Variants in EML1 observed in about 807,000 individuals in gnomAD.
EML1 encodes EMAP like 1, also known as echinoderm microtubule-associated protein-like 1.
In EML1, 27 loss-of-function variants were observed where a neutral mutation model predicts 110.4. The observed-to-expected ratio is 0.24, with a 90% CI of 0.18 to 0.34. The LOEUF is 0.34. EML1 is among the 10% of genes least tolerant of loss of function. EML1 has a pLI of 1.00. For synonymous variants in EML1, 344 were observed against 385.8 expected (o/e 0.89, Z 1.27); for missense variants, 741 against 1,030.9 (o/e 0.72, Z 3.85).
chr14:99,740,284 A>C (rs1383931014), intron 1 of EML1, among the ~76,000 whole-genome samples: 1 of 152,208 alleles, frequency 6.6e-6, no homozygotes, highest in Admixed American at 6.5e-5. Context: ...ATTCGAACCC[A>C]GTTCCTCAGA....
chr14:99,851,078 C>A, intron 2 of EML1, 43 bp downstream of exon 2: 2 of 1,577,440 alleles, frequency 1.3e-6, no homozygotes, highest in Non-Finnish European at 1.7e-6. Context: ...GAATTGGTCT[C>A]GTGGCAGAAT....
intron 1 of EML1, among the ~76,000 whole-genome samples, chr14:99,767,804 C>G (rs73352552): frequency 0.013 from 1,985 of 152,226 alleles, 46 homozygotes; most frequent in African/African-American, 0.046. Context: ...TTCCTCAAGG[C>G]CTCCCCCAAG....
At chr14:99,875,661 C>T (rs563430423) in intron 3 of EML1, among the ~76,000 whole-genome samples, 86 of 152,206 alleles carry the variant, frequency 5.7e-4, no homozygotes, top group Middle Eastern at 6.8e-3. Context: ...CCCAGGGCCC[C>T]GGCAGCTGGT....
intron 1 of EML1, among the ~76,000 whole-genome samples, chr14:99,813,529 G>T (rs749643382): frequency 2.6e-5 from 4 of 152,026 alleles, no homozygotes; most frequent in Non-Finnish European, 5.9e-5. Flanking sequence ...AGCCTAGGTC[G>T]CATAGTGAGA....
At chr14:99,754,109 G>C (rs1380920499) in intron 1 of EML1, among the ~76,000 whole-genome samples, 2 of 152,262 alleles carry the variant, frequency 1.3e-5, no homozygotes, top group Non-Finnish European at 2.9e-5. Context: ...AATGGGGGAA[G>C]CTGCAGTTGC....
upstream of EML1, among the ~76,000 whole-genome samples, chr14:99,770,377 T>TTCTATCTATCTATCTATCTA (rs143789356): frequency 0.052 from 7,756 of 150,244 alleles, 223 homozygotes; most frequent in East Asian, 0.066. Flanking sequence ...AAAAATTTCT[T>TTCTATCTATCTATCTATCTA]TCTATCTATC....
Position 99,894,583 on chromosome 14 carries a change from C to A in EML1, c.548-46C>A, listed in dbSNP as rs766410926. On this transcript the variant is annotated intron_variant, in intron 5 of 21. Transcript: ENST00000262233. Reference sequence around the variant, plus strand: ...AGGATAAAGCATTTGTTTTCAGGTACGCTGGGCACTGAGGTATCTTACTGA... The same window carrying A: ...AGGATAAAGCATTTGTTTTCAGGTAAGCTGGGCACTGAGGTATCTTACTGA... 7 of 1,574,884 alleles carry A rather than the reference C, an allele frequency of 4.4e-6. No homozygotes were observed. In the Admixed American group the frequency reaches 1.1e-4, roughly 25 times the overall value.
intron 1 of EML1, among the ~76,000 whole-genome samples, chr14:99,738,531 G>C (rs1350532439): frequency 6.6e-6 from 1 of 152,236 alleles, no homozygotes; most frequent in African/African-American, 2.4e-5. Context: ...AATGGGGGCT[G>C]GGGACGGCCA....
At chr14:99,841,412 C>T (rs541835828) in intron 1 of EML1, among the ~76,000 whole-genome samples, 2 of 152,088 alleles carry the variant, frequency 1.3e-5, no homozygotes, top group African/African-American at 2.4e-5. Context: ...GTTTCATACA[C>T]GCTAACATTC....
chr14:99,906,184 G>A (rs2059843302), intron 9 of EML1, among the ~76,000 whole-genome samples: 1 of 152,124 alleles, frequency 6.6e-6, no homozygotes, highest in Non-Finnish European at 1.5e-5. Flanking sequence ...TCGCTTCATG[G>A]TCACCAGAAA....
chr14:99,874,418 C>A (rs968340795), intron 3 of EML1, among the ~76,000 whole-genome samples: 1 of 152,214 alleles, frequency 6.6e-6, no homozygotes, highest in African/African-American at 2.4e-5. Context: ...CAGTCTCTCA[C>A]AAGCCAGTAC....
At chr14:99,881,078 A>C (rs2059377502) in intron 4 of EML1, among the ~76,000 whole-genome samples, 1 of 152,234 alleles carries the variant, frequency 6.6e-6, no homozygotes, top group Non-Finnish European at 1.5e-5. Flanking sequence ...TGAAGCTCAC[A>C]GTTCTTAAAT....
Position 99,936,473 on chromosome 14 carries a change from G to A in EML1, c.2095+139G>A. 1.3e-6 allele frequency: 1 copy of A among 767,574 alleles called. No homozygotes were observed. Among genetic ancestry groups the A allele is most frequent in the Non-Finnish European group, 2.1e-6 (1 of 469,278 alleles). 47.5% of individuals were successfully genotyped at this position (767,574 alleles called of 1,614,324 possible). A position where few individuals can be genotyped will look rare whatever the true frequency, so the allele number is the denominator to read the frequency against. ...TCTCTAGGTCATGGTTTCCGCCTCTGTAACGTAGGGGAGTGGGGCTGCGTG... is the reference window on the plus strand; with the variant it reads ...TCTCTAGGTCATGGTTTCCGCCTCTATAACGTAGGGGAGTGGGGCTGCGTG... On this transcript the variant is annotated intron_variant, in intron 19 of 21. Transcript: ENST00000262233. The surrounding 1 kb of genome is among the most constrained non-coding windows in gnomAD (Gnocchi z 5.5).
At chr14:99,840,958 G>C (rs1195679210) in intron 1 of EML1, among the ~76,000 whole-genome samples, 1 of 152,220 alleles carries the variant, frequency 6.6e-6, no homozygotes, top group African/African-American at 2.4e-5. Flanking sequence ...AGAGCTACAA[G>C]GTCTTCTTTT....
At chr14:99,840,170 GTTA>G (rs928717915) in intron 1 of EML1, among the ~76,000 whole-genome samples, 17 of 152,196 alleles carry the variant, frequency 1.1e-4, no homozygotes, top group African/African-American at 4.1e-4. Flanking sequence ...TGAGCAAAGG[GTTA>G]TTATTTGTTA....
chr14:99,850,935 C>T lies in EML1; in HGVS notation c.150C>T (p.Asp50=), dbSNP rs34803725. ...AGCAGAGAGTCCAGATGCAAGAAGA[C>T]GACATCCAGCTGCTCAAATCAGCTC... The part of the protein sequence containing the change: ...SLEQRVQMQE[D]DIQLLKSALA... Residue 50 remains aspartate, a synonymous_variant, in exon 2 of 22, where the codon GAC becomes GAT. Coordinates refer to ENST00000262233, the MANE Select transcript of EML1 (RefSeq NM_004434.3). 0.021 allele frequency: 33,143 copies of T among 1,614,112 alleles called. 440 individuals carry two copies. The highest frequency in any genetic ancestry group is 0.024 in the Non-Finnish European group (27,883 of 1,180,008).
At chr14:99,809,643 G>A (rs746566084) in intron 1 of EML1, 8 of 455,970 alleles carry the variant, frequency 1.8e-5, no homozygotes, top group South Asian at 4.6e-5. Flanking sequence ...TCTTATCTGC[G>A]ATTTCAACAT....
rs1215920699 is a variant in EML1 at position 99,781,244 on chromosome 14, C to G, written c.-27+7231C>G. The stretch of plus-strand genomic sequence containing the variant: ...GGCTCTTCCCCTCCTGACACCGCCC[C>G]CTCAGGTGGGTTTCCCGGTGCCTTT... On this transcript the variant is annotated intron_variant, in intron 1 of 22. Coordinates refer to the EML1 transcript ENST00000327921. This position sits in a 1 kb window ranked among gnomAD's most constrained non-coding sequence, Gnocchi z 4.2. 2.6e-5 allele frequency among the ~76,000 whole-genome samples: 4 copies of G among 152,116 alleles called. No homozygotes were observed. The highest frequency in any genetic ancestry group is 9.7e-5 in the African/African-American group (4 of 41,382).
At chr14:99,751,401 G>T (rs2057173383) in intron 1 of EML1, among the ~76,000 whole-genome samples, 2 of 152,180 alleles carry the variant, frequency 1.3e-5, no homozygotes, top group South Asian at 2.1e-4. Flanking sequence ...GCTGCTGAAT[G>T]GTCAATCAGC....
Sources: gnomAD v4.1 joint callset for allele counts (sites outside exome capture counted in the v4.1 genomes callset) on GRCh38, gnomAD v4.1.1 for gene constraint, Gnocchi (gnomAD v3.1) non-coding constraint, MANE v1.5 for transcripts, NCBI Gene and HGNC (gene_info 2026-07-23, HGNC 2026-07-21) for gene names.